OR9Q1: variants seen among roughly 807,000 people sequenced by gnomAD.
OR9Q1 encodes olfactory receptor family 9 subfamily Q member 1.
For synonymous variants in OR9Q1, 153 were observed against 148.6 expected (o/e 1.03, Z -0.22); for missense variants, 374 against 378.8 (o/e 0.99, Z 0.11).
At chr11:58,044,793 TTCTG>T (rs1853200366) in intron 1 of OR9Q1, 1 of 152,214 alleles carries the variant, frequency 6.6e-6, no homozygotes, top group Non-Finnish European at 1.5e-5. Context: ...ATGGTTGGAA[TTCTG>T]GTTCTGCCCT....
At position 58,082,902 on chromosome 11, in the gene OR9Q1, G is replaced by A. The variant is rs368860086; in HGVS notation, c.-15+26955G>A. Among the ~76,000 whole-genome samples, 124 of 148,680 alleles carry A rather than the reference G, an allele frequency of 8.3e-4. 4 individuals are homozygous for A. The East Asian group carries it at 0.023, about 28-fold the overall frequency. On this transcript the variant is annotated intron_variant, in intron 2 of 2. Coordinates refer to ENST00000335397, the MANE Select transcript of OR9Q1 (RefSeq NM_001005212.4). Reference sequence around the variant, plus strand: ...GCTGGTGTGCTGCACCCATTAACTCGTCATTTAGCATTAGGTATATCTCCT... The same window carrying A: ...GCTGGTGTGCTGCACCCATTAACTCATCATTTAGCATTAGGTATATCTCCT...
intron 2 of OR9Q1, among the ~76,000 whole-genome samples, chr11:58,104,312 A>AAG (rs1853819366): frequency 6.6e-6 from 1 of 151,820 alleles, no homozygotes; most frequent in Admixed American, 6.6e-5. Context: ...GAAGAAGGAT[A>AAG]AGAGAGAGAG....
intron 2 of OR9Q1, among the ~76,000 whole-genome samples, chr11:58,107,805 G>A (rs1044046546): frequency 2.0e-5 from 3 of 152,132 alleles, no homozygotes; most frequent in Non-Finnish European, 2.9e-5. Flanking sequence ...ACCAGAAGCA[G>A]CAATATAGAA....
At chr11:58,059,962 C>G (rs1020269428) in intron 2 of OR9Q1, 13 of 152,154 alleles carry the variant, frequency 8.5e-5, no homozygotes, top group Non-Finnish European at 1.9e-4. Flanking sequence ...TCTGTAATAG[C>G]TCTGAGCTCC....
intron 2 of OR9Q1, among the ~76,000 whole-genome samples, chr11:58,139,964 A>G (rs552679860): frequency 6.6e-6 from 1 of 151,952 alleles, no homozygotes; most frequent in Admixed American, 6.6e-5. Flanking sequence ...TGACTTTTTA[A>G]TGATCGCCAT....
intron 1 of OR9Q1, among the ~76,000 whole-genome samples, chr11:58,034,698 A>G (rs1190999805): frequency 7.0e-6 from 1 of 142,766 alleles, no homozygotes; most frequent in Non-Finnish European, 1.5e-5. Flanking sequence ...AAGATAGAGC[A>G]TGGAGGAGAC....
intron 2 of OR9Q1, among the ~76,000 whole-genome samples, chr11:58,091,969 C>CT (rs201459900): frequency 0.11 from 15,751 of 141,480 alleles, 1,033 homozygotes; most frequent in Non-Finnish European, 0.15. Context: ...CAACCCTTGC[C>CT]TTTTTTTTTT....
chr11:58,126,991 C>T (rs1321748234), intron 2 of OR9Q1, among the ~76,000 whole-genome samples: 1 of 152,170 alleles, frequency 6.6e-6, no homozygotes, highest in Non-Finnish European at 1.5e-5. Flanking sequence ...TGCTCTGTCG[C>T]CCAGGCTGGA....
At chr11:58,152,624 G>A (rs1854364566) in intron 2 of OR9Q1, among the ~76,000 whole-genome samples, 1 of 151,436 alleles carries the variant, frequency 6.6e-6, no homozygotes, top group Non-Finnish European at 1.5e-5. Context: ...TCCTTTGTCT[G>A]TCATTTGTAT....
chr11:58,080,080 T>C (rs1853574603), intron 2 of OR9Q1, among the ~76,000 whole-genome samples: 1 of 152,170 alleles, frequency 6.6e-6, no homozygotes, highest in Admixed American at 6.6e-5. Flanking sequence ...GTTACATGGG[T>C]ATATTGCACC....
At chr11:58,119,935 ACTT>A (rs1338065043) in intron 2 of OR9Q1, among the ~76,000 whole-genome samples, 4 of 152,148 alleles carry the variant, frequency 2.6e-5, no homozygotes, top group East Asian at 3.9e-4. Context: ...AATTTTAATC[ACTT>A]CTTCTTATGA....
chr11:58,136,076 G>T (rs1854187022), intron 2 of OR9Q1, among the ~76,000 whole-genome samples: 1 of 152,122 alleles, frequency 6.6e-6, no homozygotes, highest in African/African-American at 2.4e-5. Context: ...ATTTTGGGGA[G>T]CATTAATAAT....
intron 2 of OR9Q1, among the ~76,000 whole-genome samples, chr11:58,111,011 G>A (rs554639445): frequency 6.6e-6 from 1 of 152,228 alleles, no homozygotes; most frequent in African/African-American, 2.4e-5. Flanking sequence ...CTTCAGGGCT[G>A]CCTACTGATT....
intron 2 of OR9Q1, among the ~76,000 whole-genome samples, chr11:58,095,884 A>G (rs556456454): frequency 1.3e-5 from 2 of 152,376 alleles, no homozygotes; most frequent in South Asian, 4.1e-4. Flanking sequence ...AGACTTAAAT[A>G]CGCATCAAAG....
intron 2 of OR9Q1, among the ~76,000 whole-genome samples, chr11:58,098,445 A>G (rs1280945981): frequency 1.4e-5 from 2 of 146,674 alleles, no homozygotes; most frequent in South Asian, 2.1e-4. Context: ...GCCCTTTTTC[A>G]TTTACATTAT....
intron 2 of OR9Q1, among the ~76,000 whole-genome samples, chr11:58,122,384 G>T (rs1854042466): frequency 6.6e-6 from 1 of 152,150 alleles, no homozygotes; most frequent in African/African-American, 2.4e-5. Context: ...TCTATGACAG[G>T]CACTCACTAG....
At chr11:58,031,029 ACCT>A (rs758812040) in intron 1 of OR9Q1, 2 of 1,613,826 alleles carry the variant, frequency 1.2e-6, no homozygotes, top group South Asian at 2.2e-5. Context: ...CATGAAGCAC[ACCT>A]CCTCTTCTTC....
At chr11:58,058,006 GC>G (rs1455502182) in intron 2 of OR9Q1, among the ~76,000 whole-genome samples, 3 of 152,186 alleles carry the variant, frequency 2.0e-5, no homozygotes, top group Admixed American at 6.5e-5. Flanking sequence ...TGAGATTTGA[GC>G]CCATATCACT....
At chr11:58,118,603 A>T (rs748788192) in intron 2 of OR9Q1, 1 of 1,614,030 alleles carries the variant, frequency 6.2e-7, no homozygotes, top group South Asian at 1.1e-5. Context: ...CATGGGGATG[A>T]CCACTGTATA....
Sources: gnomAD v4.1 joint callset for allele counts (sites outside exome capture counted in the v4.1 genomes callset) on GRCh38, gnomAD v4.1.1 for gene constraint, MANE v1.5 for transcripts, NCBI Gene and HGNC (gene_info 2026-07-23, HGNC 2026-07-21) for gene names.